The following PHACTR3 variants were observed in gnomAD, a reference collection of about 807,000 sequenced individuals.
PHACTR3 encodes phosphatase and actin regulator 3.
A neutral mutation model predicts 66.8 loss-of-function variants in PHACTR3; 16 were observed. The ratio of observed to expected loss-of-function variants is 0.24; its 90% CI spans 0.16 to 0.36. The LOEUF (loss-of-function observed/expected upper bound fraction) is 0.36. Ranked by LOEUF, PHACTR3 falls within the 10% of genes least tolerant of loss-of-function variation. The probability of loss-of-function intolerance (pLI) is 1.00; values close to 1 mark genes in which losing one functional copy is unlikely to be tolerated. For synonymous variants in PHACTR3, 323 were observed against 292.1 expected (o/e 1.11, Z -1.08); for missense variants, 647 against 719.9 (o/e 0.90, Z 1.16).
At chr20:59,823,249 T>A (rs1451306454) in intron 8 of PHACTR3, among the ~76,000 whole-genome samples, 5 of 152,192 alleles carry the variant, frequency 3.3e-5, no homozygotes, top group Admixed American at 1.3e-4. Context: ...CACGGGGCCA[T>A]TTGTGATCAT....
chr20:59,844,998 A>G, intron 11 of PHACTR3, 191 bp from the exon 12 acceptor site: 2 of 456,906 alleles, frequency 4.4e-6, no homozygotes, highest in Non-Finnish European at 4.0e-6. Flanking sequence ...AATATTAGCT[A>G]CATACTAGCT....
At chr20:59,662,172 A>G (rs1316803218) in intron 1 of PHACTR3, among the ~76,000 whole-genome samples, 3 of 152,178 alleles carry the variant, frequency 2.0e-5, no homozygotes, top group Non-Finnish European at 4.4e-5. Flanking sequence ...CTGGTGGTGA[A>G]CAAGAGGCCG....
At chr20:59,701,058 C>A (rs1394624233) in intron 1 of PHACTR3, among the ~76,000 whole-genome samples, 2 of 152,186 alleles carry the variant, frequency 1.3e-5, no homozygotes, top group African/African-American at 2.4e-5. Context: ...TCCCAAAATG[C>A]TGTAATTACA....
chr20:59,708,723 G>A (rs1050893259), intron 1 of PHACTR3, among the ~76,000 whole-genome samples: 15 of 152,286 alleles, frequency 9.8e-5, no homozygotes, highest in Middle Eastern at 3.4e-3. Context: ...TTTACATCGT[G>A]TTTGGACATG....
At chr20:59,827,398 C>T (rs1176985659) in intron 8 of PHACTR3, among the ~76,000 whole-genome samples, 1 of 152,186 alleles carries the variant, frequency 6.6e-6, no homozygotes, top group Non-Finnish European at 1.5e-5. Context: ...CAACCCTGGG[C>T]AGGGCAGTCT....
chr20:59,604,066 G>GC (rs550180187), upstream of PHACTR3: 1,405 of 144,302 alleles, frequency 9.7e-3, 29 homozygotes, highest in African/African-American at 0.033. Flanking sequence ...CCGCCCCCCC[G>GC]CCCCCCGGCA....
At chr20:59,812,825 G>A (rs1357822777) in intron 8 of PHACTR3, among the ~76,000 whole-genome samples, 1 of 152,188 alleles carries the variant, frequency 6.6e-6, no homozygotes, top group Non-Finnish European at 1.5e-5. Context: ...CTGGGCAGGT[G>A]CAGTGCTGAT....
chr20:59,577,667 CCGCCG>C, intron 1 of PHACTR3: 1 of 1,142,962 alleles, frequency 8.7e-7, no homozygotes, highest in Non-Finnish European at 1.1e-6. Flanking sequence ...CCCGGGGTGC[CCGCCG>C]GGCACGAGGC....
chr20:59,749,031 A>G (rs376043608), intron 3 of PHACTR3, among the ~76,000 whole-genome samples: 87 of 152,284 alleles, frequency 5.7e-4, no homozygotes, highest in African/African-American at 1.9e-3. Flanking sequence ...TCTACATGGG[A>G]AATTGCTTCA....
intron 1 of PHACTR3, among the ~76,000 whole-genome samples, chr20:59,619,235 A>G (rs149923665): frequency 3.0e-4 from 45 of 152,310 alleles, no homozygotes; most frequent in African/African-American, 1.1e-3. Context: ...TTAAGAAAGT[A>G]TAAGCCTTGG....
At chr20:59,683,987 C>G (rs972781476) in intron 1 of PHACTR3, among the ~76,000 whole-genome samples, 2 of 152,110 alleles carry the variant, frequency 1.3e-5, no homozygotes, top group Admixed American at 6.5e-5. Flanking sequence ...CTGCAATTTG[C>G]AAGAACGCAG....
At chr20:59,586,484 C>T (rs1032484185) in intron 1 of PHACTR3, among the ~76,000 whole-genome samples, 1 of 152,066 alleles carries the variant, frequency 6.6e-6, no homozygotes, top group Non-Finnish European at 1.5e-5. Context: ...CTATCTGTGC[C>T]TTTTCCTATA....
chr20:59,663,673 G>C (rs12624796), intron 1 of PHACTR3, among the ~76,000 whole-genome samples: 5,803 of 152,250 alleles, frequency 0.038, 350 homozygotes, highest in East Asian at 0.3. Context: ...CCGCGTGCAG[G>C]AGGTTCCCTG....
At chr20:59,682,265 A>T (rs903007541) in intron 1 of PHACTR3, among the ~76,000 whole-genome samples, 1 of 152,186 alleles carries the variant, frequency 6.6e-6, no homozygotes, top group Non-Finnish European at 1.5e-5. Context: ...GCTCCAACCC[A>T]GGAGGCAGAG....
intron 8 of PHACTR3, among the ~76,000 whole-genome samples, chr20:59,831,277 G>T (rs2042365126): frequency 6.6e-6 from 1 of 152,174 alleles, no homozygotes; most frequent in Admixed American, 6.5e-5. Flanking sequence ...TCCAGGGCCT[G>T]CCCAGCCTCT....
chr20:59,763,018 G>A (rs1425481371), intron 4 of PHACTR3, among the ~76,000 whole-genome samples: 6 of 152,120 alleles, frequency 3.9e-5, no homozygotes, highest in South Asian at 2.1e-4. Context: ...ATATGGTTTC[G>A]CTGTGTCCCC....
chr20:59,826,665 C>G (rs1457998474), intron 8 of PHACTR3, among the ~76,000 whole-genome samples: 1 of 152,188 alleles, frequency 6.6e-6, no homozygotes, highest in Admixed American at 6.5e-5. Flanking sequence ...TGCCCTGTCT[C>G]TCATGCCTGC....
At chr20:59,768,687 C>G (rs984685946) in intron 5 of PHACTR3, among the ~76,000 whole-genome samples, 14 of 152,224 alleles carry the variant, frequency 9.2e-5, no homozygotes, top group African/African-American at 3.1e-4. Flanking sequence ...AGGGCTGGGT[C>G]CCAGCCCTTG....
chr20:59,785,158 G>A (rs935910780), intron 7 of PHACTR3, among the ~76,000 whole-genome samples: 9 of 152,182 alleles, frequency 5.9e-5, no homozygotes, highest in Admixed American at 2.0e-4. Flanking sequence ...AACGACAGAC[G>A]TTTGTTTTCT....
Sources: allele counts gnomAD v4.1 joint callset (sites outside exome capture counted in the v4.1 genomes callset), GRCh38; gene constraint gnomAD v4.1.1; transcripts MANE v1.5; gene names NCBI Gene and HGNC (gene_info 2026-07-23, HGNC 2026-07-21).